The following GAPDHS variants were observed in gnomAD, a reference collection of about 807,000 sequenced individuals.
The protein encoded by GAPDHS is glyceraldehyde-3-phosphate dehydrogenase, spermatogenic, also known as glyceraldehyde-3-phosphate dehydrogenase, testis-specific.
Under a neutral mutation model 48.7 loss-of-function variants are expected in GAPDHS, and 42 were observed. The ratio of observed to expected loss-of-function variants is 0.86; its 90% CI spans 0.67 to 1.12. The LOEUF (loss-of-function observed/expected upper bound fraction) is 1.12, where lower values mean the gene tolerates loss of function less well. Ranked by LOEUF, GAPDHS falls within the 50% of genes most tolerant of loss-of-function variation. The probability of loss-of-function intolerance (pLI) is 0.00; values close to 1 mark genes in which losing one functional copy is unlikely to be tolerated. For synonymous variants in GAPDHS, 166 were observed against 219.1 expected (o/e 0.76, Z 2.14); for missense variants, 512 against 557.7 (o/e 0.92, Z 0.82).
intron 4 of GAPDHS, among the ~76,000 whole-genome samples, chr19:35,540,555 T>A (rs1025574002): frequency 1.8e-5 from 2 of 111,396 alleles, no homozygotes; most frequent in African/African-American, 3.0e-5. Context: ...AGGATAACCA[T>A]GCATGTGTGA....
intron 9 of GAPDHS, 30 bp downstream of exon 9, chr19:35,543,857 G>A (rs779545640): frequency 6.4e-7 from 1 of 1,560,222 alleles, no homozygotes; most frequent in Admixed American, 2.0e-5. Flanking sequence ...GACCCTGGGA[G>A]GAGCCCTCTG....
intron 9 of GAPDHS, 164 bp from the exon 10 acceptor site, chr19:35,544,745 C>G: frequency 3.1e-6 from 2 of 638,790 alleles, no homozygotes; most frequent in Middle Eastern, 8.4e-4. Flanking sequence ...TGGTCATACC[C>G]TGCACTTGGT....
At position 35,533,595 on chromosome 19, in the gene GAPDHS, G is replaced by C. The variant is rs1328873911; in HGVS notation, c.67+1G>C. On this transcript the variant is annotated splice_donor_variant, in intron 1 of 10. Coordinates refer to ENST00000222286, the MANE Select transcript of GAPDHS (RefSeq NM_014364.5). LOFTEE classifies it high-confidence loss of function. Reference sequence around the variant, plus strand: ...CAGTTGCTGCGACAGCCGTGCCCGGGTGAGGGAGGCAGCGGAGGGCGCGGG... The same window carrying C: ...CAGTTGCTGCGACAGCCGTGCCCGGCTGAGGGAGGCAGCGGAGGGCGCGGG... 6.2e-7 allele frequency: 1 copy of C among 1,610,316 alleles called. No individual in the cohort carries two copies. The highest frequency in any genetic ancestry group is 1.3e-5 in the African/African-American group (1 of 74,926).
rs564797953 is a variant in GAPDHS at position 35,538,436 on chromosome 19, G to A, written c.342+33G>A. ...GCTGGCAGAGGGCAGGAACAGCAGG[G>A]TGGGACTGGGGTGGGAAAGGGACTC... On this transcript the variant is annotated intron_variant, in intron 3 of 10. Coordinates refer to ENST00000222286, the MANE Select transcript of GAPDHS (RefSeq NM_014364.5). 118 of 1,279,820 alleles carry A rather than the reference G, an allele frequency of 9.2e-5. 1 individual carries two copies. The South Asian group carries it at 1.4e-3, about 15-fold the overall frequency. The allele number at this position is 1,279,820 out of a possible 1,614,324, so 79.3% of individuals were successfully genotyped here. A position where few individuals can be genotyped will look rare whatever the true frequency, so the allele number is the denominator to read the frequency against.
rs140499592 is a variant in GAPDHS at position 35,543,381 on chromosome 19, C to T, written c.783C>T (p.Asp261=). Residue 261 remains aspartate (D), a synonymous_variant, in exon 8 of 11, where the codon GAC becomes GAT. Coordinates refer to ENST00000222286, the MANE Select transcript of GAPDHS (RefSeq NM_014364.5). ...HSYTATQKTV[D]GPSRKAWRDG... is the part of the protein sequence containing the mutation. ...ACACGGCCACCCAGAAGACAGTGGA[C>T]GGGCCATCAAGGAAGGCCTGGCGAG... is the stretch of plus-strand genomic sequence containing the variant. The T allele has an allele frequency of 1.3e-5, 21 of 1,612,702 alleles. No homozygotes were observed. The African/African-American group carries it at 1.5e-4, about 11-fold the overall frequency.
At chr19:35,544,096 T>C (rs1336623934) in intron 9 of GAPDHS, 2 of 426,382 alleles carry the variant, frequency 4.7e-6, no homozygotes, top group African/African-American at 4.0e-5. Flanking sequence ...GTTCTTTTTG[T>C]GGCCATATTC....
chr19:35,541,983 G>A, intron 4 of GAPDHS: 1 of 321,480 alleles, frequency 3.1e-6, no homozygotes, highest in Non-Finnish European at 6.0e-6. Context: ...CCACGTCCCG[G>A]GCAGCATATG....
intron 1 of GAPDHS, among the ~76,000 whole-genome samples, chr19:35,535,074 A>G (rs2071456628): frequency 6.6e-6 from 1 of 152,156 alleles, no homozygotes; most frequent in Non-Finnish European, 1.5e-5. Flanking sequence ...ATCAGCCCCA[A>G]GAGGTTCATT....
Position 35,536,988 on chromosome 19 carries a change from T to C in GAPDHS, c.243T>C (p.Asn81=), listed in dbSNP as rs2071470226. The C allele has an allele frequency of 1.2e-6, 2 of 1,612,758 alleles. No homozygotes were observed. The highest frequency in any genetic ancestry group is 1.7e-6 in the Non-Finnish European group (2 of 1,179,214). The change falls in exon 2 of 11, where the codon AAT becomes AAC. Residue 81 remains asparagine (N), a splice_region_variant and synonymous_variant. Coordinates refer to ENST00000222286, the MANE Select transcript of GAPDHS (RefSeq NM_014364.5). ...CCCGGGAGCTGACTGTGGGCATCAA[T>C]GGGTGAGTCTACTCCAGCCCCTGAT... is the stretch of plus-strand genomic sequence containing the variant. The part of the protein sequence containing the change: ...SVARELTVGI[N]GFGRIGRLVL...
chr19:35,534,917 AC>A (rs2071455516), intron 1 of GAPDHS, among the ~76,000 whole-genome samples: 1 of 143,388 alleles, frequency 7.0e-6, no homozygotes, highest in Admixed American at 7.0e-5. Flanking sequence ...GACTCCCACT[AC>A]CCCCTTCCAG....
Position 35,545,022 on chromosome 19 carries a change from C to G in GAPDHS, c.1154+16C>G. The G allele has an allele frequency of 6.2e-7, 1 of 1,608,698 alleles. No individual in the cohort carries two copies. Among genetic ancestry groups the G allele is most frequent in the Non-Finnish European group, 8.5e-7 (1 of 1,174,982 alleles). Reference sequence around the variant, plus strand: ...TCATTTCATGGTAAGGGGGAAGGAGCTGGAGACTTAGAGGGAGGGGAACTA... The same window carrying G: ...TCATTTCATGGTAAGGGGGAAGGAGGTGGAGACTTAGAGGGAGGGGAACTA... On this transcript the variant is annotated intron_variant, in intron 10 of 10. Transcript: ENST00000222286.
At chr19:35,542,446 G>T in intron 5 of GAPDHS, 37 bp downstream of exon 5, 1 of 1,599,354 alleles carries the variant, frequency 6.3e-7, no homozygotes. Context: ...TAGCTGGGGG[G>T]ATGATGGTGC....
rs1220696812 is a variant in GAPDHS, at chr19:35,536,938, C to A, written c.193C>A (p.Pro65Thr). ...PPPLPPHPATPPPKMVSVARE... is the reference protein window; with the variant it reads ...PPPLPPHPATTPPKMVSVARE... Reference sequence around the variant, plus strand: ...ACCACTGCCTCCTCACCCCGCTACTCCTCCTCCTAAGATGGTGTCTGTGGC... The same window carrying A: ...ACCACTGCCTCCTCACCCCGCTACTACTCCTCCTAAGATGGTGTCTGTGGC... The change falls in exon 2 of 11, where the codon CCT (proline) becomes ACT (threonine). Residue 65 changes from proline to threonine, a missense_variant. Pro to Thr is a conservative substitution (Grantham distance 38). Transcript: ENST00000222286. 1.2e-6 allele frequency: 2 copies of A among 1,614,132 alleles called. No homozygotes were observed. Among genetic ancestry groups the A allele is most frequent in the East Asian group, 4.5e-5 (2 of 44,884 alleles).
At chr19:35,539,836 G>A (rs946609390) in intron 4 of GAPDHS, among the ~76,000 whole-genome samples, 3 of 151,272 alleles carry the variant, frequency 2.0e-5, no homozygotes, top group Non-Finnish European at 2.9e-5. Context: ...TAGTTATCAC[G>A]CAGACTTCAA....
At position 35,543,665 on chromosome 19, in the gene GAPDHS, G is replaced by C; in HGVS notation, c.894G>C (p.Gly298=). The stretch of plus-strand genomic sequence containing the variant: ...CTGTTCCTCATGGGGGATTCTCCAG[G>C]AAGCTGACAGGGATGGCGTTCCGGG... ...AVTKVIPELK[G]KLTGMAFRVP... The change falls in exon 9 of 11, where the codon GGG becomes GGC. Residue 298 remains glycine, a splice_region_variant and synonymous_variant. Transcript: ENST00000222286. 6.2e-7 allele frequency: 1 copy of C among 1,613,422 alleles called. No individual in the cohort carries two copies. The highest frequency in any genetic ancestry group is 8.5e-7 in the Non-Finnish European group (1 of 1,179,658).
At position 35,542,410 on chromosome 19, in the gene GAPDHS, G is replaced by A; in HGVS notation, c.540+1G>A. On this transcript the variant is annotated splice_donor_variant, in intron 5 of 10. Coordinates refer to ENST00000222286, the MANE Select transcript of GAPDHS (RefSeq NM_014364.5). LOFTEE classifies it high-confidence loss of function. ...GTACCTCTCCATACAGGCAGCTTCG[G>A]TAAGCTGGGGAGAGGTGCCCAGGGC... The A allele has an allele frequency of 6.2e-7, 1 of 1,610,476 alleles. No homozygotes were observed. Among genetic ancestry groups the A allele is most frequent in the Non-Finnish European group, 8.5e-7 (1 of 1,176,806 alleles).
chr19:35,537,599 G>A (rs2071474065), intron 2 of GAPDHS, among the ~76,000 whole-genome samples: 1 of 152,196 alleles, frequency 6.6e-6, no homozygotes, highest in African/African-American at 2.4e-5. Flanking sequence ...GAAGTTTTAA[G>A]ATCCATCCAG....
In GAPDHS at chr19:35,543,700, C is replaced by T. The variant is rs2071522762; in HGVS notation, c.929C>T (p.Pro310Leu). ...LTGMAFRVPTPDVSVVDLTCR... is the reference protein window; with the variant it reads ...LTGMAFRVPTLDVSVVDLTCR... ...GGGATGGCGTTCCGGGTACCAACCC[C>T]GGATGTGTCTGTCGTGGACCTGACC... The change falls in exon 9 of 11, where the codon CCG becomes CTG. Residue 310 changes from proline to leucine, a missense_variant. Coordinates refer to ENST00000222286, the MANE Select transcript of GAPDHS (RefSeq NM_014364.5). 3 of 1,614,074 alleles carry T rather than the reference C, an allele frequency of 1.9e-6. No homozygotes were observed. The highest frequency in any genetic ancestry group is 2.5e-6 in the Non-Finnish European group (3 of 1,179,988).
At chr19:35,542,888 G>A in intron 6 of GAPDHS, 57 bp from the exon 7 acceptor site, 1 of 1,282,362 alleles carries the variant, frequency 7.8e-7, no homozygotes, top group East Asian at 2.3e-5. Context: ...GGGTAAGGGT[G>A]GAGGGGTGGC....
Sources: allele counts gnomAD v4.1 joint callset (sites outside exome capture counted in the v4.1 genomes callset), GRCh38; gene constraint gnomAD v4.1.1; transcripts MANE v1.5; gene names NCBI Gene and HGNC (gene_info 2026-07-23, HGNC 2026-07-21).